Variants in RAP1A observed in about 807,000 individuals in gnomAD.
RAP1A encodes the protein ras-related protein Rap-1A.
Under a neutral mutation model 26.4 loss-of-function variants are expected in RAP1A, and 6 were observed. That is an observed-to-expected ratio of 0.23 (90% confidence interval 0.12 to 0.45). RAP1A has a LOEUF of 0.45. Ranked by LOEUF, RAP1A falls within the 20% of genes least tolerant of loss-of-function variation. RAP1A has a pLI of 0.99. For synonymous variants in RAP1A, 73 were observed against 79.4 expected, an observed-to-expected ratio of 0.92 and a Z score of 0.43; for missense variants, 121 against 217.2, an observed-to-expected ratio of 0.56 and a Z score of 2.78.
intron 1 of RAP1A, among the ~76,000 whole-genome samples, chr1:111,593,727 A>T (rs1220828544): frequency 6.9e-6 from 1 of 145,244 alleles, no homozygotes; most frequent in Non-Finnish European, 1.5e-5. Context: ...CCTTGGAACA[A>T]GACAAATGGT....
chr1:111,634,283 T>C (rs116194587), intron 1 of RAP1A, among the ~76,000 whole-genome samples: 1 of 152,086 alleles, frequency 6.6e-6, no homozygotes, highest in Non-Finnish European at 1.5e-5. Context: ...TAAATATTTT[T>C]TAGTTATATA....
chr1:111,620,232 A>C (rs1659148663), intron 1 of RAP1A, among the ~76,000 whole-genome samples: 1 of 152,214 alleles, frequency 6.6e-6, no homozygotes, highest in Non-Finnish European at 1.5e-5. Context: ...GGAGAGAAAG[A>C]GGACATTGTG....
intron 1 of RAP1A, among the ~76,000 whole-genome samples, chr1:111,639,027 T>C (rs1046461080): frequency 1.3e-5 from 2 of 152,216 alleles, no homozygotes; most frequent in Non-Finnish European, 2.9e-5. Context: ...CTGGGAATAC[T>C]TGGAACCATA....
At chr1:111,561,333 A>G (rs925266651) in intron 1 of RAP1A, among the ~76,000 whole-genome samples, 2 of 152,168 alleles carry the variant, frequency 1.3e-5, no homozygotes, top group Non-Finnish European at 2.9e-5. Flanking sequence ...CATGTTTCCC[A>G]GGCTGGTCTC....
intron 4 of RAP1A, among the ~76,000 whole-genome samples, chr1:111,699,799 G>A (rs941379533): frequency 1.3e-5 from 2 of 151,672 alleles, no homozygotes; most frequent in African/African-American, 4.8e-5. Context: ...CTTCAACTTC[G>A]TTACAACCTG....
At chr1:111,633,432 G>C (rs1659634723) in intron 1 of RAP1A, among the ~76,000 whole-genome samples, 1 of 152,218 alleles carries the variant, frequency 6.6e-6, no homozygotes, top group Non-Finnish European at 1.5e-5. Context: ...AAGGATATCA[G>C]ATTAACTTAA....
At chr1:111,627,031 T>C (rs1194465153) in intron 1 of RAP1A, among the ~76,000 whole-genome samples, 1 of 152,164 alleles carries the variant, frequency 6.6e-6, no homozygotes, top group Non-Finnish European at 1.5e-5. Context: ...ATGTATTTCT[T>C]ATTCCAAGTA....
chr1:111,691,351 A>T lies in RAP1A; in HGVS notation c.-10A>T. ...TTTTTCAGATCGTCAGTATTTAAAC[A>T]GATCACATCATGCGTGAGTACAAGC... On this transcript the variant is annotated 5_prime_UTR_variant, in exon 2 of 8. Coordinates refer to ENST00000369709, the MANE Select transcript of RAP1A (RefSeq NM_002884.4). 1 of 1,612,122 alleles carries T rather than the reference A, an allele frequency of 6.2e-7. No homozygotes were observed. The highest frequency in any genetic ancestry group is 2.2e-5 in the East Asian group (1 of 44,836).
At chr1:111,610,869 T>C (rs1571496923) in intron 1 of RAP1A, among the ~76,000 whole-genome samples, 2 of 152,356 alleles carry the variant, frequency 1.3e-5, no homozygotes, top group African/African-American at 2.4e-5. Flanking sequence ...TATTATCTCA[T>C]TTAATTTAAT....
At chr1:111,644,450 CG>C (rs907128677) in intron 1 of RAP1A, among the ~76,000 whole-genome samples, 4 of 152,070 alleles carry the variant, frequency 2.6e-5, no homozygotes, top group African/African-American at 9.7e-5. Context: ...TTCAGCTTCC[CG>C]GGAAACTCAG....
rs77520563 is a variant in RAP1A, at chr1:111,571,724, C to T, written c.-28+29215C>T. Among the ~76,000 whole-genome samples, 1,455 of 152,284 alleles carry T rather than the reference C, an allele frequency of 9.6e-3. 22 individuals are homozygous for T. The highest frequency in any genetic ancestry group is 9.6e-3 in the Non-Finnish European group (653 of 68,022). On this transcript the variant is annotated intron_variant, in intron 1 of 7. Transcript: ENST00000356415. Reference sequence around the variant, plus strand: ...AAAATGGCTAAGAAATCCCTTATCTCTAAAATCAGAAAGATTATGGGAAAC... The same window carrying T: ...AAAATGGCTAAGAAATCCCTTATCTTTAAAATCAGAAAGATTATGGGAAAC...
chr1:111,557,428 T>C (rs1387134452), intron 1 of RAP1A, among the ~76,000 whole-genome samples: 1 of 151,914 alleles, frequency 6.6e-6, no homozygotes, highest in Non-Finnish European at 1.5e-5. Context: ...GACCCGCCTG[T>C]AGTCCCAGCT....
At chr1:111,701,439 C>T (rs1178616331) in intron 4 of RAP1A, among the ~76,000 whole-genome samples, 2 of 152,182 alleles carry the variant, frequency 1.3e-5, no homozygotes, top group East Asian at 1.9e-4. Context: ...AAAATAAACT[C>T]CCAACCTTTA....
At chr1:111,630,715 C>T (rs1039985756) in intron 1 of RAP1A, among the ~76,000 whole-genome samples, 3 of 152,066 alleles carry the variant, frequency 2.0e-5, no homozygotes, top group Non-Finnish European at 2.9e-5. Context: ...AGAAAGGGCC[C>T]GTTGGTGCAA....
chr1:111,633,598 C>T (rs1274533499), intron 1 of RAP1A, among the ~76,000 whole-genome samples: 1 of 152,176 alleles, frequency 6.6e-6, no homozygotes, highest in African/African-American at 2.4e-5. Flanking sequence ...CGAAATTGGT[C>T]AAATAGTATA....
chr1:111,678,247 C>T (rs1430799860), intron 1 of RAP1A, among the ~76,000 whole-genome samples: 1 of 152,152 alleles, frequency 6.6e-6, no homozygotes, highest in African/African-American at 2.4e-5. Context: ...TGGGCAAATA[C>T]TAATATATGG....
intron 1 of RAP1A, among the ~76,000 whole-genome samples, chr1:111,571,825 G>C (rs1164190626): frequency 6.6e-6 from 1 of 152,238 alleles, no homozygotes; most frequent in Non-Finnish European, 1.5e-5. Context: ...AAGTTGGTGA[G>C]AGGATAGATA....
chr1:111,685,639 G>T (rs1379876192), intron 1 of RAP1A, among the ~76,000 whole-genome samples: 1 of 152,196 alleles, frequency 6.6e-6, no homozygotes, highest in African/African-American at 2.4e-5. Flanking sequence ...TGTTGGAGAG[G>T]ATATGGAGAA....
At chr1:111,554,784 C>A (rs1029017807) in intron 1 of RAP1A, among the ~76,000 whole-genome samples, 1 of 152,050 alleles carries the variant, frequency 6.6e-6, no homozygotes, top group African/African-American at 2.4e-5. Context: ...GGTTGGTAGA[C>A]CCCAAGCCCC....
Sources: gnomAD v4.1 joint callset for allele counts (sites outside exome capture counted in the v4.1 genomes callset) on GRCh38, gnomAD v4.1.1 for gene constraint, MANE v1.5 for transcripts, NCBI Gene and HGNC (gene_info 2026-07-23, HGNC 2026-07-21) for gene names.